ELP3: variants seen among roughly 807,000 people sequenced by gnomAD.
ELP3 encodes elongator acetyltransferase complex subunit 3.
A neutral mutation model predicts 74.9 loss-of-function variants in ELP3; 56 were observed. The observed-to-expected ratio is 0.75, with a 90% CI of 0.60 to 0.93. The LOEUF (loss-of-function observed/expected upper bound fraction) is 0.93. Ranked by LOEUF, ELP3 falls within the 40% of genes least tolerant of loss-of-function variation. ELP3 has a pLI of 0.00. For missense variants in ELP3, 573 were observed against 686.5 expected, an observed-to-expected ratio of 0.83 and a Z score of 1.85; for synonymous variants, 222 against 239.8, an observed-to-expected ratio of 0.93 and a Z score of 0.68.
chr8:28,099,711 A>G, intron 2 of ELP3, 117 bp from the exon 3 acceptor site: 1 of 1,121,678 alleles, frequency 8.9e-7, no homozygotes, highest in East Asian at 2.4e-5. Context: ...TATCCTTGTC[A>G]CGTGGTGAAG....
intron 10 of ELP3, among the ~76,000 whole-genome samples, chr8:28,145,053 A>G (rs1813380260): frequency 6.6e-6 from 1 of 152,204 alleles, no homozygotes; most frequent in South Asian, 2.1e-4. Context: ...AAAAAATAAA[A>G]TAAAAAAGAA....
In ELP3 at chr8:28,147,937, A is replaced by G. The variant is rs1813492934; in HGVS notation, c.1101-8005A>G. Among the ~76,000 whole-genome samples the G allele has an allele frequency of 6.6e-6, 1 of 152,332 alleles. No individual in the cohort carries two copies. Among genetic ancestry groups the G allele is most frequent in the East Asian group, 1.9e-4 (1 of 5,190 alleles). On this transcript the variant is annotated intron_variant, in intron 10 of 14. Transcript: ENST00000256398. The surrounding 1 kb of genome is among the most constrained non-coding windows in gnomAD (Gnocchi z 4.5). ...CCTGAATGCATACCCACTGGCAAAA[A>G]TCTAATGTCAGCAACAAAATAAATA...
chr8:28,151,663 G>T (rs146230259), intron 10 of ELP3, among the ~76,000 whole-genome samples: 3 of 152,198 alleles, frequency 2.0e-5, no homozygotes, highest in Non-Finnish European at 4.4e-5. Context: ...CATCACAAGG[G>T]TTTCTCAGTT....
At chr8:28,171,279 C>T (rs967438451) in intron 14 of ELP3, among the ~76,000 whole-genome samples, 13 of 152,130 alleles carry the variant, frequency 8.5e-5, no homozygotes, top group African/African-American at 3.1e-4. Context: ...AGTAACTGCA[C>T]TGTTTTTCAT....
In ELP3 at chr8:28,121,413, G is replaced by C. The variant is rs139767043; in HGVS notation, c.618-8089G>C. 2.3e-4 allele frequency among the ~76,000 whole-genome samples: 34 copies of C among 149,336 alleles called. No individual in the cohort carries two copies. In the East Asian group the frequency reaches 3.2e-3, roughly 14 times the overall value. ...CAGCTCACTGCAACCTGTACCTTCT[G>C]GGCTCAAGACATTCTCCTGCCTCAG... On this transcript the variant is annotated intron_variant, in intron 7 of 14. Coordinates refer to ENST00000256398, the MANE Select transcript of ELP3 (RefSeq NM_018091.6).
At chr8:28,090,565 A>G (rs778990170), upstream of ELP3, among the ~76,000 whole-genome samples, 5 of 151,662 alleles carry the variant, frequency 3.3e-5, no homozygotes, top group Non-Finnish European at 5.9e-5. Flanking sequence ...TTTGCTTATT[A>G]TATCTGCATT....
chr8:28,185,209 TAA>T (rs1815190060), intron 14 of ELP3, among the ~76,000 whole-genome samples: 1 of 152,184 alleles, frequency 6.6e-6, no homozygotes, highest in South Asian at 2.1e-4. Context: ...GATAATAATA[TAA>T]GTCAGGAAGC....
chr8:28,110,250 G>A (rs1192988170), intron 5 of ELP3, 120 bp from the exon 6 acceptor site: 10 of 839,660 alleles, frequency 1.2e-5, no homozygotes, highest in Admixed American at 7.4e-5. Flanking sequence ...AAATTAATGC[G>A]GGTACAAGCC....
chr8:28,106,333 G>A lies in ELP3; in HGVS notation c.259-380G>A, dbSNP rs921616979. ...AGGCGGGCGGATCACGAGGTCAGGA[G>A]ATCGAGACCATCCCGGCTAAAACGG... On this transcript the variant is annotated intron_variant, in intron 3 of 14. Transcript: ENST00000256398. Among the ~76,000 whole-genome samples the A allele has an allele frequency of 3.9e-5, 6 of 152,052 alleles. No individual in the cohort carries two copies. The East Asian group carries it at 7.7e-4, about 20-fold the overall frequency.
At chr8:28,170,155 G>A (rs1485493515) in intron 14 of ELP3, among the ~76,000 whole-genome samples, 14 of 152,164 alleles carry the variant, frequency 9.2e-5, no homozygotes, top group African/African-American at 3.4e-4. Context: ...GCCTTGTTCT[G>A]TTGGTCAGAG....
intron 7 of ELP3, among the ~76,000 whole-genome samples, chr8:28,120,628 C>T (rs970962251): frequency 6.6e-6 from 1 of 152,148 alleles, no homozygotes; most frequent in African/African-American, 2.4e-5. Context: ...TGCACGTTCC[C>T]AAGGCACAAA....
chr8:28,177,125 G>A (rs1814789093), intron 14 of ELP3, among the ~76,000 whole-genome samples: 2 of 152,282 alleles, frequency 1.3e-5, no homozygotes, highest in East Asian at 3.9e-4. Context: ...ACTCTCTTGA[G>A]GTACTCTGTA....
At chr8:28,135,011 C>T (rs1172080166) in intron 9 of ELP3, among the ~76,000 whole-genome samples, 1 of 152,106 alleles carries the variant, frequency 6.6e-6, no homozygotes, top group African/African-American at 2.4e-5. Flanking sequence ...TCACTGCAAC[C>T]TCTGCCTCCC....
chr8:28,127,622 T>G (rs1330858211), intron 7 of ELP3, among the ~76,000 whole-genome samples: 1 of 152,202 alleles, frequency 6.6e-6, no homozygotes, highest in African/African-American at 2.4e-5. Flanking sequence ...TGTGGCATCA[T>G]GTACTGTTAC....
intron 7 of ELP3, among the ~76,000 whole-genome samples, chr8:28,121,358 C>T (rs1812364771): frequency 1.4e-5 from 2 of 141,276 alleles, no homozygotes; most frequent in Admixed American, 7.4e-5. Flanking sequence ...CTTGCTCTGT[C>T]GCCCAGGCTG....
chr8:28,155,437 A>T (rs1030265412), intron 10 of ELP3, among the ~76,000 whole-genome samples: 1 of 152,146 alleles, frequency 6.6e-6, no homozygotes, highest in Non-Finnish European at 1.5e-5. Context: ...AGTCACTTTT[A>T]ACTTAGATTT....
At chr8:28,171,092 G>C (rs149557286) in intron 14 of ELP3, among the ~76,000 whole-genome samples, 9 of 152,264 alleles carry the variant, frequency 5.9e-5, no homozygotes, top group African/African-American at 1.9e-4. Context: ...CCATCAGTCT[G>C]ATAGACATTT....
At chr8:28,096,588 C>T (rs1347605765) in intron 1 of ELP3, among the ~76,000 whole-genome samples, 5 of 152,192 alleles carry the variant, frequency 3.3e-5, no homozygotes, top group African/African-American at 1.2e-4. Flanking sequence ...GAGTGGATGG[C>T]GTCATACAAG....
chr8:28,145,976 T>A (rs942350625), intron 10 of ELP3, among the ~76,000 whole-genome samples: 1 of 152,168 alleles, frequency 6.6e-6, no homozygotes, highest in Non-Finnish European at 1.5e-5. Context: ...AGGAAGATAA[T>A]TTGAGTGAGA....
Sources: allele counts gnomAD v4.1 joint callset (sites outside exome capture counted in the v4.1 genomes callset), GRCh38; gene constraint gnomAD v4.1.1; non-coding constraint Gnocchi (gnomAD v3.1); transcripts MANE v1.5; gene names NCBI Gene and HGNC (gene_info 2026-07-23, HGNC 2026-07-21).